Variants in PDE4B observed in about 807,000 individuals in gnomAD.
PDE4B encodes phosphodiesterase 4B.
Under a neutral mutation model 82.2 loss-of-function variants are expected in PDE4B, and 20 were observed. The observed-to-expected ratio is 0.24, with a 90% CI of 0.17 to 0.35. PDE4B has a LOEUF of 0.35. Ranked by LOEUF, PDE4B falls within the 10% of genes least tolerant of loss-of-function variation. The pLI is 1.00. For synonymous variants in PDE4B, 320 were observed against 318.9 expected, an observed-to-expected ratio of 1.00 and a Z score of -0.04; for missense variants, 655 against 907.2, an observed-to-expected ratio of 0.72 and a Z score of 3.57.
At chr1:66,218,501 T>G (rs1650690142) in intron 3 of PDE4B, among the ~76,000 whole-genome samples, 1 of 152,162 alleles carries the variant, frequency 6.6e-6, no homozygotes, top group Non-Finnish European at 1.5e-5. Context: ...ACAGCTCGTC[T>G]CTCATGGAGA....
At chr1:66,179,514 A>G (rs1459473493) in intron 3 of PDE4B, among the ~76,000 whole-genome samples, 1 of 38,250 alleles carries the variant, frequency 2.6e-5, no homozygotes, top group Non-Finnish European at 5.0e-5. Context: ...TATTTGAAGG[A>G]AAAAAAAAGT....
At chr1:66,362,018 A>G (rs1662817166) in intron 10 of PDE4B, among the ~76,000 whole-genome samples, 1 of 152,034 alleles carries the variant, frequency 6.6e-6, no homozygotes, top group African/African-American at 2.4e-5. Flanking sequence ...GATAGCCTGG[A>G]TCTCTTATGC....
At chr1:65,861,641 T>A (rs1328320591) in intron 1 of PDE4B, among the ~76,000 whole-genome samples, 1 of 152,222 alleles carries the variant, frequency 6.6e-6, no homozygotes, top group Non-Finnish European at 1.5e-5. Flanking sequence ...CTTTGGGCCA[T>A]AAGGCCATTT....
chr1:65,870,328 T>G (rs1646558988), intron 1 of PDE4B, among the ~76,000 whole-genome samples: 1 of 152,194 alleles, frequency 6.6e-6, no homozygotes, highest in African/African-American at 2.4e-5. Flanking sequence ...ACAGCACTAT[T>G]GAGCATAAAG....
chr1:65,993,518 A>T (rs1266866599), intron 3 of PDE4B, among the ~76,000 whole-genome samples: 1 of 152,138 alleles, frequency 6.6e-6, no homozygotes, highest in African/African-American at 2.4e-5. Context: ...TAAAAAAATA[A>T]TTTTGGGACA....
intron 3 of PDE4B, among the ~76,000 whole-genome samples, chr1:65,956,247 A>C (rs192684276): frequency 3.5e-4 from 54 of 152,222 alleles, no homozygotes; most frequent in African/African-American, 1.1e-3. Flanking sequence ...GGAAAGTCTT[A>C]ATTCAGCACA....
intron 3 of PDE4B, among the ~76,000 whole-genome samples, chr1:65,943,592 A>G (rs1265695013): frequency 6.6e-6 from 1 of 152,060 alleles, no homozygotes; most frequent in Non-Finnish European, 1.5e-5. Context: ...CACTTTGGAT[A>G]GTATGGACAT....
At chr1:66,056,037 A>T (rs1268117576) in intron 3 of PDE4B, among the ~76,000 whole-genome samples, 1 of 152,196 alleles carries the variant, frequency 6.6e-6, no homozygotes, top group African/African-American at 2.4e-5. Context: ...AATTGATTTA[A>T]CTTCATTATT....
chr1:66,067,540 A>AT (rs770126432), intron 3 of PDE4B, among the ~76,000 whole-genome samples: 7 of 151,278 alleles, frequency 4.6e-5, no homozygotes, highest in Non-Finnish European at 8.9e-5. Context: ...GGGTTGTTTG[A>AT]TTTTTTCTTG....
chr1:66,182,239 C>T (rs1238640981), intron 3 of PDE4B, among the ~76,000 whole-genome samples: 1 of 152,026 alleles, frequency 6.6e-6, no homozygotes, highest in Non-Finnish European at 1.5e-5. Context: ...GATGGTAAAG[C>T]TTCGTTATAT....
chr1:65,932,890 T>C (rs1260951341), intron 3 of PDE4B, among the ~76,000 whole-genome samples: 2 of 152,030 alleles, frequency 1.3e-5, no homozygotes, highest in Non-Finnish European at 2.9e-5. Flanking sequence ...TTAGAAATTA[T>C]TCAGTCAGAA....
intron 1 of PDE4B, among the ~76,000 whole-genome samples, chr1:65,796,976 G>A (rs1393091541): frequency 7.3e-6 from 1 of 137,206 alleles, no homozygotes; most frequent in Admixed American, 7.6e-5. Flanking sequence ...TTTTTGAGAT[G>A]GAGTCTCGCT....
At chr1:66,012,594 A>G (rs759358552) in intron 3 of PDE4B, among the ~76,000 whole-genome samples, 23 of 152,092 alleles carry the variant, frequency 1.5e-4, no homozygotes, top group Non-Finnish European at 2.8e-4. Flanking sequence ...GAGTAACCAC[A>G]TTGTGAGCCC....
chr1:66,121,677 TTTTAGGGAAAGCAGCCGAATACAG>T (rs1645711900), intron 3 of PDE4B, among the ~76,000 whole-genome samples: 1 of 152,152 alleles, frequency 6.6e-6, no homozygotes, highest in Non-Finnish European at 1.5e-5. Context: ...GAGTAGCAAT[TTTTAGGGAAAGCAGCCGAATACAG>T]TTCTTGGCAG....
intron 3 of PDE4B, among the ~76,000 whole-genome samples, chr1:66,231,850 C>T (rs936508458): frequency 3.9e-5 from 6 of 152,138 alleles, no homozygotes; most frequent in South Asian, 2.1e-4. Flanking sequence ...AAGCCTATCA[C>T]GGTGATTCAG....
At chr1:66,257,191 T>G (rs1284424347) in intron 4 of PDE4B, among the ~76,000 whole-genome samples, 1 of 152,178 alleles carries the variant, frequency 6.6e-6, no homozygotes, top group Non-Finnish European at 1.5e-5. Context: ...TTAAATGGCA[T>G]TAAAGCTGTG....
intron 4 of PDE4B, among the ~76,000 whole-genome samples, chr1:66,248,883 G>T (rs1653532224): frequency 6.6e-6 from 1 of 152,210 alleles, no homozygotes; most frequent in African/African-American, 2.4e-5. Flanking sequence ...CTGTTAATCT[G>T]TCAGGTAGGT....
chr1:65,821,756 C>T (rs1339785806), intron 1 of PDE4B, among the ~76,000 whole-genome samples: 1 of 152,196 alleles, frequency 6.6e-6, no homozygotes, highest in East Asian at 1.9e-4. Context: ...CAGTTGTTCT[C>T]ATTCCTGGCA....
chr1:66,101,657 T>A (rs949488981), intron 3 of PDE4B, among the ~76,000 whole-genome samples: 3 of 152,214 alleles, frequency 2.0e-5, no homozygotes, highest in African/African-American at 7.2e-5. Flanking sequence ...TTCATATCCT[T>A]TGCCCACTTT....
Sources: allele counts gnomAD v4.1 joint callset (sites outside exome capture counted in the v4.1 genomes callset), GRCh38; gene constraint gnomAD v4.1.1; transcripts MANE v1.5; gene names NCBI Gene and HGNC (gene_info 2026-07-23, HGNC 2026-07-21).